SKOR2: variants seen among roughly 807,000 people sequenced by gnomAD.
The protein encoded by SKOR2 is LBX1 corepressor 1-like protein.
A neutral mutation model predicts 69.1 loss-of-function variants in SKOR2; 47 were observed. That is an observed-to-expected ratio of 0.68 (90% CI 0.54 to 0.87). The LOEUF (loss-of-function observed/expected upper bound fraction) is 0.87, where lower values mean the gene tolerates loss of function less well. Among genes scored for constraint, SKOR2 ranks in the 40% least tolerant of loss-of-function variants. The pLI is 0.00. For missense variants in SKOR2, 1,404 were observed against 1,472.2 expected (o/e 0.95, Z 0.76); for synonymous variants, 717 against 672.6 (o/e 1.07, Z -1.02).
At position 47,248,605 on chromosome 18, in the gene SKOR2, C is replaced by T. The variant is rs778064597; in HGVS notation, c.579G>A (p.Thr193=). ...CTGGCTGAGTGTACTTGGCGTCGGG[C>T]GTGCGGTGGGAGTGGAAAATGAACT... The part of the protein sequence containing the change: ...PNKFIFHSHR[T]PDAKYTQPDA... The change falls in exon 2 of 9, where the codon ACG becomes ACA. Residue 193 remains threonine, a synonymous_variant. Transcript: ENST00000425639. This position sits in a 1 kb window ranked among gnomAD's most constrained non-coding sequence, Gnocchi z 6.4. 2.3e-5 allele frequency: 35 copies of T among 1,543,860 alleles called. No individual in the cohort carries two copies. Among genetic ancestry groups the T allele is most frequent in the Middle Eastern group, 3.3e-4 (2 of 6,020 alleles).
At chr18:47,249,273 C>A in intron 1 of SKOR2, 43 bp from the exon 2 acceptor site, 2 of 1,419,526 alleles carry the variant, frequency 1.4e-6, no homozygotes, top group Non-Finnish European at 1.9e-6. Flanking sequence ...CCTTTTCAGA[C>A]TAAAACAGAG....
intron 6 of SKOR2, among the ~76,000 whole-genome samples, chr18:47,223,490 T>C (rs2064168178): frequency 6.6e-6 from 1 of 152,182 alleles, no homozygotes; most frequent in Non-Finnish European, 1.5e-5. Context: ...ACAACACTTT[T>C]AGGAGTTTAA....
intron 6 of SKOR2, 91 bp downstream of exon 6, chr18:47,230,368 A>G (rs1370237501): frequency 5.0e-6 from 4 of 804,096 alleles, no homozygotes; most frequent in Non-Finnish European, 5.2e-6. Context: ...GTTTTGCACA[A>G]TCGCTTAATA....
chr18:47,233,511 A>G (rs2064208042), intron 4 of SKOR2, among the ~76,000 whole-genome samples: 1 of 152,334 alleles, frequency 6.6e-6, no homozygotes, highest in South Asian at 2.1e-4. Flanking sequence ...AGAAGTTTCA[A>G]AAATACTGGC....
rs1389314872 is a variant in SKOR2 at position 47,245,547 on chromosome 18, C to T, written c.2628G>A (p.Lys876=). Residue 876 remains lysine (K), a synonymous_variant, in exon 3 of 9, where the codon AAG becomes AAA. Transcript: ENST00000425639. ...TAGATACAATTACTTGGTTATTTTC[C>T]TTAGTTTTCTGACTCTGTGTGGAAA... ...QPSYKDSQKT[K]ENNQVIVSTK... is the part of the protein sequence containing the mutation. 3.6e-6 allele frequency: 5 copies of T among 1,390,954 alleles called. No homozygotes were observed. Among genetic ancestry groups the T allele is most frequent in the African/African-American group, 1.7e-5 (1 of 59,460 alleles). 86.2% of individuals were successfully genotyped at this position (1,390,954 alleles called of 1,614,324 possible). A position where few individuals can be genotyped will look rare whatever the true frequency, so the allele number is the denominator to read the frequency against.
intron 7 of SKOR2, among the ~76,000 whole-genome samples, chr18:47,219,545 GTT>G (rs2064154547): frequency 6.6e-6 from 1 of 152,092 alleles, no homozygotes; most frequent in African/African-American, 2.4e-5. Flanking sequence ...CATTAATTGT[GTT>G]TTATTGGTAG....
intron 7 of SKOR2, among the ~76,000 whole-genome samples, chr18:47,212,901 C>G (rs551325693): frequency 6.6e-6 from 1 of 152,072 alleles, no homozygotes. Flanking sequence ...AAGGTCAAGG[C>G]GGCAGTGAGC....
Position 47,206,227 on chromosome 18 carries a change from C to T in SKOR2, c.*669G>A, listed in dbSNP as rs977324190. 2 of 152,080 alleles carry T rather than the reference C, an allele frequency of 1.3e-5. No individual in the cohort carries two copies. Among genetic ancestry groups the T allele is most frequent in the African/African-American group, 4.8e-5 (2 of 41,420 alleles). The allele number at this position is 152,080 out of a possible 1,614,324, so 9.4% of individuals were successfully genotyped here. On this transcript the variant is annotated 3_prime_UTR_variant, in exon 9 of 9. Coordinates refer to ENST00000425639, the MANE Select transcript of SKOR2 (RefSeq NM_001278063.4). Reference sequence around the variant, plus strand: ...ATCCACATGAATGTTAAAGAAACTACAACAGAGTTAAATGCCATTTTTGAT... The same window carrying T: ...ATCCACATGAATGTTAAAGAAACTATAACAGAGTTAAATGCCATTTTTGAT...
intron 4 of SKOR2, among the ~76,000 whole-genome samples, chr18:47,242,492 A>G (rs2064253376): frequency 6.6e-6 from 1 of 152,126 alleles, no homozygotes; most frequent in Admixed American, 6.5e-5. Context: ...TTTCTCATTA[A>G]ATTTATAGAA....
Position 47,219,861 on chromosome 18 carries a change from C to T in SKOR2, c.2985+82G>A, listed in dbSNP as rs899599936. On this transcript the variant is annotated intron_variant, in intron 7 of 8. Coordinates refer to ENST00000425639, the MANE Select transcript of SKOR2 (RefSeq NM_001278063.4). ...TGGACCAAAGGATTTCATGCAAAAA[C>T]GTGAACAGTTTCATACATATTGGGT... The T allele has an allele frequency of 1.8e-5, 23 of 1,256,332 alleles. No homozygotes were observed. The Admixed American group carries it at 3.0e-4, about 16-fold the overall frequency. 77.8% of individuals were successfully genotyped at this position (1,256,332 alleles called of 1,614,324 possible). A position where few individuals can be genotyped will look rare whatever the true frequency, so the allele number is the denominator to read the frequency against.
intron 7 of SKOR2, among the ~76,000 whole-genome samples, chr18:47,217,020 A>T (rs1266655696): frequency 6.6e-6 from 1 of 152,200 alleles, no homozygotes; most frequent in African/African-American, 2.4e-5. Flanking sequence ...TCCCCCAGGT[A>T]CTTTGACAGA....
chr18:47,234,765 G>A (rs2064214413), intron 4 of SKOR2, among the ~76,000 whole-genome samples: 1 of 151,262 alleles, frequency 6.6e-6, no homozygotes. Context: ...GGAGGCTGAG[G>A]TAGGAGAATC....
rs757544829 is a variant in SKOR2 at position 47,246,674 on chromosome 18, G to A, written c.2510C>T (p.Pro837Leu). Residue 837 changes from proline to leucine, a missense_variant, in exon 2 of 9, where the codon CCG (proline) becomes CTG (leucine). Physicochemically the swap from Pro to Leu is moderately conservative, Grantham distance 98. Coordinates refer to ENST00000425639, the MANE Select transcript of SKOR2 (RefSeq NM_001278063.4). Reference sequence around the variant, plus strand: ...CTTCTGGGGGGCCAGGGGCGGCGGCGGGGGCGGGGGCAGGTCCGAGCCGGG... The same window carrying A: ...CTTCTGGGGGGCCAGGGGCGGCGGCAGGGGCGGGGGCAGGTCCGAGCCGGG... ...GDPGSDLPPP[P>L]PPPLAPQKAS... 4.0e-6 allele frequency: 6 copies of A among 1,499,916 alleles called. No homozygotes were observed. The highest frequency in any genetic ancestry group is 1.8e-6 in the Non-Finnish European group (2 of 1,133,584). The allele number at this position is 1,499,916 out of a possible 1,614,324, so 92.9% of individuals were successfully genotyped here. A position where few individuals can be genotyped will look rare whatever the true frequency, so the allele number is the denominator to read the frequency against.
chr18:47,243,926 A>T (rs2144511056), intron 4 of SKOR2, among the ~76,000 whole-genome samples: 1 of 152,338 alleles, frequency 6.6e-6, no homozygotes, highest in East Asian at 1.9e-4. Flanking sequence ...CCAAAATCGA[A>T]TATTGATCAA....
intron 7 of SKOR2, among the ~76,000 whole-genome samples, chr18:47,215,343 G>A (rs559619386): frequency 6.6e-6 from 1 of 152,154 alleles, no homozygotes; most frequent in East Asian, 1.9e-4. Flanking sequence ...ATGCAAAATA[G>A]TAATGGTCCT....
chr18:47,221,496 C>T (rs1327872747), intron 6 of SKOR2, among the ~76,000 whole-genome samples: 1 of 152,210 alleles, frequency 6.6e-6, no homozygotes, highest in Non-Finnish European at 1.5e-5. Context: ...ACACCAGCCA[C>T]CAAACCACTC....
At position 47,249,131 on chromosome 18, in the gene SKOR2, G is replaced by C. The variant is rs1178336014; in HGVS notation, c.53C>G (p.Ser18Trp). 4 of 1,535,740 alleles carry C rather than the reference G, an allele frequency of 2.6e-6. No individual in the cohort carries two copies. Among genetic ancestry groups the C allele is most frequent in the African/African-American group, 1.4e-5 (1 of 73,044 alleles). ...CAGCGTGTCGGGCTGGAAGGCGCTC[G>C]ACGGCGACGCCAGCAGGATGTCGTT... is the stretch of plus-strand genomic sequence containing the variant. ...GPNDILLASPSSAFQPDTLSQ... is the reference protein window; with the variant it reads ...GPNDILLASPWSAFQPDTLSQ... Residue 18 changes from serine (S) to tryptophan (W), a missense_variant, in exon 2 of 9, where the codon TCG becomes TGG. Transcript: ENST00000425639.
chr18:47,234,404 C>CT (rs1347160155), intron 4 of SKOR2: 1 of 152,118 alleles, frequency 6.6e-6, no homozygotes, highest in Non-Finnish European at 1.5e-5. Context: ...AAAGTGCTTA[C>CT]TTTTTTATCC....
intron 4 of SKOR2, among the ~76,000 whole-genome samples, chr18:47,236,400 C>T (rs2064223872): frequency 6.6e-6 from 1 of 152,160 alleles, no homozygotes; most frequent in South Asian, 2.1e-4. Context: ...TCTTGTGCAA[C>T]CAAAATCAGA....
Sources: allele counts gnomAD v4.1 joint callset (sites outside exome capture counted in the v4.1 genomes callset), GRCh38; gene constraint gnomAD v4.1.1; non-coding constraint Gnocchi (gnomAD v3.1); transcripts MANE v1.5; gene names NCBI Gene and HGNC (gene_info 2026-07-23, HGNC 2026-07-21).